ACOT13: variants seen among roughly 807,000 people sequenced by gnomAD.
The protein encoded by ACOT13 is acyl-CoA thioesterase 13.
Under a neutral mutation model 11.8 loss-of-function variants are expected in ACOT13, and 10 were observed. That is an observed-to-expected ratio of 0.85 (90% CI 0.53 to 1.44). The LOEUF (loss-of-function observed/expected upper bound fraction) is 1.44. ACOT13 is among the 40% of genes most tolerant of loss of function. The pLI is 0.00. For synonymous variants in ACOT13, 53 were observed against 61.0 expected, an observed-to-expected ratio of 0.87 and a Z score of 0.61; for missense variants, 172 against 174.1, an observed-to-expected ratio of 0.99 and a Z score of 0.07.
At chr6:24,669,715 T>TC (rs1188400216) in intron 1 of ACOT13, among the ~76,000 whole-genome samples, 1 of 152,142 alleles carries the variant, frequency 6.6e-6, no homozygotes, top group Non-Finnish European at 1.5e-5. Context: ...AACTCCCATG[T>TC]CTTGTGAAGA....
chr6:24,697,559 T>TG (rs1427566875), intron 1 of ACOT13, among the ~76,000 whole-genome samples: 2 of 152,198 alleles, frequency 1.3e-5, no homozygotes, highest in East Asian at 1.9e-4. Context: ...AGATCTCAGC[T>TG]GGGTGGCTTT....
In ACOT13 at chr6:24,672,555, C is replaced by T. The variant is rs148083199; in HGVS notation, c.81+5211C>T. ...TCGGGAGGCTGAGGCAGGAGAATCG[C>T]TTGAAGCCAGGAGGCGGAGGTTACA... On this transcript the variant is annotated intron_variant, in intron 1 of 2. Transcript: ENST00000230048. Among the ~76,000 whole-genome samples, 740 of 152,318 alleles carry T rather than the reference C, an allele frequency of 4.9e-3. 7 individuals are homozygous for T. Among genetic ancestry groups the T allele is most frequent in the Non-Finnish European group, 8.6e-3 (582 of 68,026 alleles).
intron 1 of ACOT13, among the ~76,000 whole-genome samples, chr6:24,689,643 G>C (rs1328559356): frequency 6.6e-6 from 1 of 152,108 alleles, no homozygotes; most frequent in Non-Finnish European, 1.5e-5. Flanking sequence ...CTAGGGAATG[G>C]TATAGAATGA....
intron 1 of ACOT13, among the ~76,000 whole-genome samples, chr6:24,682,083 C>G (rs1022483758): frequency 6.6e-6 from 1 of 152,218 alleles, no homozygotes; most frequent in African/African-American, 2.4e-5. Context: ...CCAACGTCCC[C>G]AACCCAGAAG....
In ACOT13 at chr6:24,698,009, A is replaced by AT. The variant is rs1562162944; in HGVS notation, c.209dup (p.Met70IlefsTer89). The AT allele has an allele frequency of 6.2e-7, 1 of 1,613,902 alleles. No homozygotes were observed. Among genetic ancestry groups the AT allele is most frequent in the South Asian group, 1.1e-5 (1 of 90,968 alleles). ...CACGTTAGTAGATAACATATCAACAATGGCTCTGCTATGCACGGAAAGGGG... is the reference window on the plus strand; with the variant it reads ...CACGTTAGTAGATAACATATCAACAATTGGCTCTGCTATGCACGGAAAGGGG... On this transcript the variant is annotated frameshift_variant, in exon 2 of 3. Coordinates refer to ENST00000230048, the MANE Select transcript of ACOT13 (RefSeq NM_018473.4). LOFTEE classifies it high-confidence loss of function.
At position 24,702,031 on chromosome 6, in the gene ACOT13, C is replaced by G. The variant is rs2127630053; in HGVS notation, c.*416C>G. 1 of 154,282 alleles carries G rather than the reference C, an allele frequency of 6.5e-6. No homozygotes were observed. The highest frequency in any genetic ancestry group is 1.9e-4 in the East Asian group (1 of 5,230). 9.6% of individuals were successfully genotyped at this position (154,282 alleles called of 1,614,324 possible). A position where few individuals can be genotyped will look rare whatever the true frequency, so the allele number is the denominator to read the frequency against. Reference sequence around the variant, plus strand: ...TGGAAAGTCCTGGGTCAAGGCCCAGCAGATCCTGTTAGGTGAGGGCCCGCT... The same window carrying G: ...TGGAAAGTCCTGGGTCAAGGCCCAGGAGATCCTGTTAGGTGAGGGCCCGCT... On this transcript the variant is annotated 3_prime_UTR_variant, in exon 3 of 3. Coordinates refer to ENST00000230048, the MANE Select transcript of ACOT13 (RefSeq NM_018473.4).
chr6:24,699,485 C>T (rs1778859098), intron 2 of ACOT13, among the ~76,000 whole-genome samples: 1 of 152,224 alleles, frequency 6.6e-6, no homozygotes, highest in Non-Finnish European at 1.5e-5. Flanking sequence ...GCTGGGATTA[C>T]AGGCGTGAGC....
chr6:24,673,122 T>C (rs1421754110), intron 1 of ACOT13, among the ~76,000 whole-genome samples: 5 of 152,204 alleles, frequency 3.3e-5, no homozygotes, highest in Non-Finnish European at 1.5e-5. Flanking sequence ...AAAATCTTTT[T>C]TTAATCTCAG....
chr6:24,686,646 TTTC>T (rs1778635946), intron 1 of ACOT13, among the ~76,000 whole-genome samples: 1 of 151,628 alleles, frequency 6.6e-6, no homozygotes, highest in African/African-American at 2.4e-5. Flanking sequence ...TCTTTCTCTC[TTTC>T]TTCTCTCTCT....
chr6:24,676,393 T>C (rs2127622493), intron 1 of ACOT13, among the ~76,000 whole-genome samples: 1 of 152,178 alleles, frequency 6.6e-6, no homozygotes, highest in East Asian at 1.9e-4. Flanking sequence ...GTGTCCTCTT[T>C]TATTTCGTTG....
rs1302355056 is a variant in ACOT13, at chr6:24,678,235, A to G, written c.81+10891A>G. Among the ~76,000 whole-genome samples the G allele has an allele frequency of 2.6e-5, 4 of 152,124 alleles. No individual in the cohort carries two copies. The East Asian group carries it at 5.8e-4, about 22-fold the overall frequency. ...AGTCAGGGTGTACAGGGATGCAGAA[A>G]AAGGCATCCTTAAGGTCCAGGACTG... is the stretch of plus-strand genomic sequence containing the variant. On this transcript the variant is annotated intron_variant, in intron 1 of 2. Transcript: ENST00000230048.
At chr6:24,686,645 C>G (rs1778635866) in intron 1 of ACOT13, among the ~76,000 whole-genome samples, 1 of 148,068 alleles carries the variant, frequency 6.8e-6, no homozygotes, top group Non-Finnish European at 1.5e-5. Context: ...CTCTTTCTCT[C>G]TTTCTTCTCT....
intron 1 of ACOT13, among the ~76,000 whole-genome samples, chr6:24,694,975 A>T (rs1225207820): frequency 6.6e-6 from 1 of 152,210 alleles, no homozygotes; most frequent in African/African-American, 2.4e-5. Flanking sequence ...AATCAAATGG[A>T]ACTTTAAGAA....
At chr6:24,686,182 C>G (rs950869684) in intron 1 of ACOT13, among the ~76,000 whole-genome samples, 2 of 151,986 alleles carry the variant, frequency 1.3e-5, no homozygotes, top group African/African-American at 4.8e-5. Context: ...GAATTTATAA[C>G]CTAGGAATGG....
chr6:24,693,949 A>G (rs1166183479), intron 1 of ACOT13, among the ~76,000 whole-genome samples: 1 of 152,006 alleles, frequency 6.6e-6, no homozygotes, highest in Non-Finnish European at 1.5e-5. Flanking sequence ...GTCTTGAACT[A>G]CTGACCTCAA....
In ACOT13 at chr6:24,680,237, G is replaced by T. The variant is rs918331014; in HGVS notation, c.81+12893G>T. ...ACAGAAGAGGTCAAGCTGTAAGATGGTGTTATAATTTATACTTCCCTCAAG... is the reference window on the plus strand; with the variant it reads ...ACAGAAGAGGTCAAGCTGTAAGATGTTGTTATAATTTATACTTCCCTCAAG... On this transcript the variant is annotated intron_variant, in intron 1 of 2. Transcript: ENST00000230048. Among the ~76,000 whole-genome samples, 7 of 152,276 alleles carry T rather than the reference G, an allele frequency of 4.6e-5. No homozygotes were observed. In the East Asian group the frequency reaches 1.4e-3, roughly 29 times the overall value.
intron 1 of ACOT13, among the ~76,000 whole-genome samples, chr6:24,679,347 GT>G (rs1288223875): frequency 6.6e-6 from 1 of 152,130 alleles, no homozygotes; most frequent in Admixed American, 6.5e-5. Flanking sequence ...GACTTTTGAA[GT>G]TTTTTTCTAA....
chr6:24,671,069 C>G (rs942963703), intron 1 of ACOT13, among the ~76,000 whole-genome samples: 5 of 152,062 alleles, frequency 3.3e-5, no homozygotes, highest in African/African-American at 1.2e-4. Context: ...CCTCAAGGAT[C>G]TAGAACTAGA....
chr6:24,682,299 C>T (rs1778564354), intron 1 of ACOT13, among the ~76,000 whole-genome samples: 1 of 152,148 alleles, frequency 6.6e-6, no homozygotes, highest in South Asian at 2.1e-4. Flanking sequence ...AAAATGTTAC[C>T]GGGGGTCCTT....
Sources: allele counts gnomAD v4.1 joint callset (sites outside exome capture counted in the v4.1 genomes callset), GRCh38; gene constraint gnomAD v4.1.1; transcripts MANE v1.5; gene names NCBI Gene and HGNC (gene_info 2026-07-23, HGNC 2026-07-21).